The following POLK variants were observed in gnomAD, a reference collection of about 807,000 sequenced individuals.
POLK encodes DNA polymerase kappa, also known as polymerase (DNA directed) kappa.
In POLK, 76 loss-of-function variants were observed where a neutral mutation model predicts 94.0. That is an observed-to-expected ratio of 0.81 (90% CI 0.67 to 0.98). The LOEUF (loss-of-function observed/expected upper bound fraction) is 0.98. POLK is among the 50% of genes least tolerant of loss of function. The probability of loss-of-function intolerance (pLI) is 0.00; values close to 1 mark genes in which losing one functional copy is unlikely to be tolerated. For synonymous variants in POLK, 349 were observed against 325.4 expected, an observed-to-expected ratio of 1.07 and a Z score of -0.78; for missense variants, 954 against 1,010.1, an observed-to-expected ratio of 0.94 and a Z score of 0.75.
chr5:75,572,913 T>G (rs923669472), intron 4 of POLK, among the ~76,000 whole-genome samples: 60 of 152,182 alleles, frequency 3.9e-4, no homozygotes, highest in Non-Finnish European at 5.9e-4. Context: ...ACACTGTTGG[T>G]AGGACTGTAA....
At chr5:75,544,779 A>G (rs1197827543) in intron 1 of POLK, among the ~76,000 whole-genome samples, 1 of 152,230 alleles carries the variant, frequency 6.6e-6, no homozygotes, top group African/African-American at 2.4e-5. Context: ...TGGTGAAATT[A>G]TGACTGAATT....
At chr5:75,587,050 C>T (rs760755733) in exon 10 of POLK, 4 of 1,523,982 alleles carry the variant, frequency 2.6e-6, no homozygotes, top group South Asian at 2.4e-5. Flanking sequence ...AAAGTATGAG[C>T]GTTGAGAGGT....
At chr5:75,527,497 A>ATG in intron 1 of POLK, among the ~76,000 whole-genome samples, 1 of 126,436 alleles carries the variant, frequency 7.9e-6, no homozygotes, top group African/African-American at 3.6e-5. Flanking sequence ...AAAAAAATTT[A>ATG]TATATACACA....
intron 7 of POLK, 43 bp downstream of exon 7, chr5:75,581,491 AG>A (rs760194605): frequency 6.5e-7 from 1 of 1,539,188 alleles, no homozygotes; most frequent in East Asian, 2.3e-5. Context: ...TATAATTTTC[AG>A]ACTGGCTAAT....
chr5:75,511,283 T>TGAA (rs748076574), upstream of POLK: 27 of 1,577,956 alleles, frequency 1.7e-5, no homozygotes, highest in African/African-American at 2.7e-5. Context: ...GTCCTCGGGG[T>TGAA]GAAGGGTCGG....
intron 1 of POLK, among the ~76,000 whole-genome samples, chr5:75,532,429 A>G (rs772167109): frequency 6.6e-5 from 10 of 151,144 alleles, no homozygotes; most frequent in South Asian, 2.1e-4. Context: ...TATTATGGCT[A>G]TATAGTATTC....
the POLK span, chr5:75,609,379 T>TC: frequency 1.3e-5 from 2 of 152,100 alleles, no homozygotes; most frequent in Non-Finnish European, 2.9e-5. Context: ...TCCTCCCACC[T>TC]CAGCCTCCCA....
intron 4 of POLK, among the ~76,000 whole-genome samples, chr5:75,570,343 T>C (rs531752196): frequency 2.0e-5 from 3 of 152,328 alleles, no homozygotes; most frequent in Non-Finnish European, 4.4e-5. Context: ...GGAAATGTTA[T>C]TCTAAAGTAT....
intron 1 of POLK, among the ~76,000 whole-genome samples, chr5:75,515,921 A>G (rs574968429): frequency 6.6e-6 from 1 of 152,274 alleles, no homozygotes; most frequent in African/African-American, 2.4e-5. Context: ...TTTTTAAGCC[A>G]TTTTGACTGG....
chr5:75,577,313 T>C (rs1269100042), intron 6 of POLK, among the ~76,000 whole-genome samples: 1 of 152,174 alleles, frequency 6.6e-6, no homozygotes, highest in Admixed American at 6.5e-5. Context: ...CTCAAACATA[T>C]CAAAACATTG....
chr5:75,515,542 G>A (rs1580896287), intron 1 of POLK, among the ~76,000 whole-genome samples: 1 of 152,016 alleles, frequency 6.6e-6, no homozygotes, highest in East Asian at 1.9e-4. Context: ...CCATATTTTA[G>A]CTATTGTGAA....
At chr5:75,566,357 G>A (rs934245111) in intron 3 of POLK, among the ~76,000 whole-genome samples, 1 of 152,168 alleles carries the variant, frequency 6.6e-6, no homozygotes, top group African/African-American at 2.4e-5. Flanking sequence ...CTTCAGCCCC[G>A]TTTCCCAGGG....
intron 3 of POLK, among the ~76,000 whole-genome samples, chr5:75,567,996 T>G (rs1252026462): frequency 1.3e-5 from 2 of 152,152 alleles, no homozygotes; most frequent in East Asian, 3.9e-4. Context: ...AGTGTCACAG[T>G]AAGACTAAGA....
At chr5:75,572,067 C>T (rs932306780) in intron 4 of POLK, among the ~76,000 whole-genome samples, 2 of 152,098 alleles carry the variant, frequency 1.3e-5, no homozygotes, top group Non-Finnish European at 2.9e-5. Context: ...GAAATAATCC[C>T]TTCATTTGTT....
chr5:75,545,918 C>T (rs1480061477), intron 1 of POLK, among the ~76,000 whole-genome samples: 1 of 152,154 alleles, frequency 6.6e-6, no homozygotes, highest in African/African-American at 2.4e-5. Flanking sequence ...CGAATAATAT[C>T]TATCTTTCAG....
At chr5:75,570,334 G>A (rs904108396) in intron 4 of POLK, among the ~76,000 whole-genome samples, 3 of 152,116 alleles carry the variant, frequency 2.0e-5, no homozygotes, top group Non-Finnish European at 4.4e-5. Context: ...GAAAGAAAAG[G>A]AAATGTTATT....
chr5:75,543,889 A>G (rs768014142), intron 1 of POLK, among the ~76,000 whole-genome samples: 1 of 152,186 alleles, frequency 6.6e-6, no homozygotes, highest in Non-Finnish European at 1.5e-5. Flanking sequence ...GCTGGAGTGC[A>G]GTGGCATGAC....
intron 3 of POLK, among the ~76,000 whole-genome samples, chr5:75,565,321 A>C (rs930149937): frequency 4.6e-5 from 7 of 152,136 alleles, no homozygotes; most frequent in Non-Finnish European, 8.8e-5. Context: ...GTGTTGGGTT[A>C]GAATATGCTC....
At chr5:75,606,801 A>G in the POLK span, among the ~76,000 whole-genome samples, 1 of 152,188 alleles carries the variant, frequency 6.6e-6, no homozygotes. Context: ...CAGCAAAGCA[A>G]TTTGCATGCT....
Sources: gnomAD v4.1 joint callset for allele counts (sites outside exome capture counted in the v4.1 genomes callset) on GRCh38, gnomAD v4.1.1 for gene constraint, MANE v1.5 for transcripts, NCBI Gene and HGNC (gene_info 2026-07-23, HGNC 2026-07-21) for gene names.